PARVB: variants seen among roughly 807,000 people sequenced by gnomAD.
The protein encoded by PARVB is beta-parvin.
A neutral mutation model predicts 47.0 loss-of-function variants in PARVB; 46 were observed. The ratio of observed to expected loss-of-function variants is 0.98; its 90% CI spans 0.77 to 1.25. PARVB has a LOEUF of 1.25. Among genes scored for constraint, PARVB ranks in the 50% most tolerant of loss-of-function variants. The pLI is 0.00. For missense variants in PARVB, 473 were observed against 471.6 expected (o/e 1.00, Z -0.03); for synonymous variants, 196 against 196.3 (o/e 1.00, Z 0.01).
At chr22:44,101,887 C>T (rs16991478) in intron 3 of PARVB, among the ~76,000 whole-genome samples, 8,750 of 151,946 alleles carry the variant, frequency 0.058, 703 homozygotes, top group African/African-American at 0.17. Flanking sequence ...AACAGAAGAA[C>T]GTTGATGAGG....
chr22:44,090,088 G>A (rs916441103), intron 1 of PARVB, among the ~76,000 whole-genome samples: 1 of 152,174 alleles, frequency 6.6e-6, no homozygotes, highest in African/African-American at 2.4e-5. Flanking sequence ...GGGTGCTCAC[G>A]GTTCCCCTTA....
intron 4 of PARVB, chr22:44,120,042 C>A: frequency 2.8e-6 from 1 of 363,512 alleles, no homozygotes; most frequent in Non-Finnish European, 5.5e-6. Flanking sequence ...GGCAGTACTG[C>A]CATCGCCTTC....
At chr22:44,105,741 A>C (rs990435933) in intron 3 of PARVB, 2 of 152,280 alleles carry the variant, frequency 1.3e-5, no homozygotes, top group African/African-American at 4.8e-5. Flanking sequence ...AGCAGCACCA[A>C]CATGAGGTTC....
At chr22:44,151,793 AG>A (rs1350813079) in intron 10 of PARVB, 1 of 465,892 alleles carries the variant, frequency 2.1e-6, no homozygotes, top group Non-Finnish European at 4.0e-6. Flanking sequence ...GTGTCCTCGA[AG>A]TGCTGGAGGC....
intron 1 of PARVB, among the ~76,000 whole-genome samples, chr22:44,090,407 C>T (rs537249201): frequency 1.5e-4 from 23 of 152,324 alleles, no homozygotes; most frequent in Non-Finnish European, 2.8e-4. Flanking sequence ...TTCGTGAGCA[C>T]GTTTCTCATT....
chr22:44,052,179 G>A (rs546940025), intron 1 of PARVB, among the ~76,000 whole-genome samples: 10 of 152,266 alleles, frequency 6.6e-5, no homozygotes, highest in East Asian at 3.9e-4. Flanking sequence ...TTGCCTCGGC[G>A]GTTCTCCTGC....
chr22:44,034,253 T>TCTTTATACATATATATTTGAGATGGGG (rs2050875701), intron 1 of PARVB, among the ~76,000 whole-genome samples: 1 of 118,342 alleles, frequency 8.5e-6, no homozygotes, highest in Non-Finnish European at 2.0e-5. Context: ...TTGAGATGGG[T>TCTTTATACATATATATTTGAGATGGGG]GTCTTTATAC....
At chr22:44,000,761 G>A (rs775837193) in intron 2 of PARVB, among the ~76,000 whole-genome samples, 6 of 152,218 alleles carry the variant, frequency 3.9e-5, no homozygotes, top group Non-Finnish European at 5.9e-5. Context: ...TAGTTGCAGT[G>A]TGGAATCTGA....
intron 1 of PARVB, among the ~76,000 whole-genome samples, chr22:44,056,897 G>T (rs1286573317): frequency 2.7e-5 from 4 of 149,494 alleles, no homozygotes; most frequent in Non-Finnish European, 4.4e-5. Context: ...CCTGCTCTGT[G>T]CCCAGGGGTT....
chr22:44,006,567 G>T (rs184307713), intron 2 of PARVB, among the ~76,000 whole-genome samples: 3 of 152,348 alleles, frequency 2.0e-5, no homozygotes, highest in African/African-American at 7.2e-5. Flanking sequence ...AGAGGTTGCA[G>T]TGAGCCGAGA....
At chr22:44,056,730 C>G (rs1001430902) in intron 1 of PARVB, among the ~76,000 whole-genome samples, 2 of 151,586 alleles carry the variant, frequency 1.3e-5, no homozygotes, top group Admixed American at 1.3e-4. Context: ...GGCCTCGAAC[C>G]CCTGGGCTCA....
At chr22:44,075,771 C>T (rs569582320) in intron 1 of PARVB, among the ~76,000 whole-genome samples, 5 of 152,344 alleles carry the variant, frequency 3.3e-5, no homozygotes, top group South Asian at 2.1e-4. Flanking sequence ...CAGCTGACGG[C>T]GCGTTTCTTC....
chr22:44,029,357 A>G (rs1249330816), intron 1 of PARVB, among the ~76,000 whole-genome samples: 1 of 152,174 alleles, frequency 6.6e-6, no homozygotes, highest in Admixed American at 6.5e-5. Context: ...TATTTTGGAT[A>G]CAAGTCATGT....
In PARVB at chr22:44,050,436, C is replaced by G. The variant is rs550995949; in HGVS notation, c.112+25985C>G. Among the ~76,000 whole-genome samples, 17 of 152,026 alleles carry G rather than the reference C, an allele frequency of 1.1e-4. No homozygotes were observed. The East Asian group carries it at 3.3e-3, about 29-fold the overall frequency. On this transcript the variant is annotated intron_variant, in intron 1 of 12. Transcript: ENST00000338758. ...TCAGCTCACTGCAACCTCCGCCTCCCGGGTTCAAGTGATTCTCCTGCCTCA... is the reference window on the plus strand; with the variant it reads ...TCAGCTCACTGCAACCTCCGCCTCCGGGGTTCAAGTGATTCTCCTGCCTCA...
chr22:44,132,389 G>A (rs767404463), intron 5 of PARVB, among the ~76,000 whole-genome samples: 2 of 152,206 alleles, frequency 1.3e-5, no homozygotes, highest in East Asian at 1.9e-4. Context: ...ACCTGAGTCC[G>A]CATGCTGAGG....
At chr22:44,033,418 A>C (rs2050859806) in intron 1 of PARVB, among the ~76,000 whole-genome samples, 1 of 152,176 alleles carries the variant, frequency 6.6e-6, no homozygotes, top group Non-Finnish European at 1.5e-5. Context: ...CTGAGCTGGA[A>C]TTCCTTGTAC....
chr22:44,006,968 G>C lies in PARVB; in HGVS notation c.211+7295G>C, dbSNP rs147908668. ...TGAATCTTTCACCTGGGCAAGTGCA[G>C]GAGGGGAGCCCCAGATCAGCTGCTC... On this transcript the variant is annotated intron_variant, in intron 2 of 13. Coordinates refer to the PARVB transcript ENST00000406477. 1.1e-3 allele frequency among the ~76,000 whole-genome samples: 173 copies of C among 152,358 alleles called. 1 individual carries two copies. The highest frequency in any genetic ancestry group is 4.0e-3 in the African/African-American group (166 of 41,590).
intron 3 of PARVB, chr22:44,111,615 T>A (rs1458513597): frequency 6.6e-6 from 1 of 151,270 alleles, no homozygotes; most frequent in Non-Finnish European, 1.5e-5. Flanking sequence ...CCTGGCTAAT[T>A]TTTAATTTTT....
intron 1 of PARVB, among the ~76,000 whole-genome samples, chr22:44,075,621 G>A (rs189517221): frequency 1.3e-5 from 2 of 152,258 alleles, no homozygotes. Context: ...TCTCACTCCT[G>A]GCAACCTCTG....
Sources: gnomAD v4.1 joint callset for allele counts (sites outside exome capture counted in the v4.1 genomes callset) on GRCh38, gnomAD v4.1.1 for gene constraint, MANE v1.5 for transcripts, NCBI Gene and HGNC (gene_info 2026-07-23, HGNC 2026-07-21) for gene names.